The following TEC variants were observed in gnomAD, a reference collection of about 807,000 sequenced individuals.
The protein encoded by TEC is tyrosine-protein kinase Tec.
TEC carries 72 observed loss-of-function variants against 93.0 expected under a neutral mutation model. The ratio of observed to expected loss-of-function variants is 0.77; its 90% CI spans 0.64 to 0.94. The LOEUF is 0.94. Ranked by LOEUF, TEC falls within the 40% of genes least tolerant of loss-of-function variation. The pLI is 0.00. For missense variants in TEC, 630 were observed against 757.9 expected (o/e 0.83, Z 1.98); for synonymous variants, 249 against 247.7 (o/e 1.01, Z -0.05).
chr4:48,154,059 G>T (rs116805208), intron 9 of TEC, among the ~76,000 whole-genome samples: 95 of 152,320 alleles, frequency 6.2e-4, no homozygotes, highest in African/African-American at 2.2e-3. Flanking sequence ...TTGCTACAGG[G>T]TATGCTGTGC....
chr4:48,230,810 C>T (rs879836027), intron 1 of TEC, among the ~76,000 whole-genome samples: 23 of 152,184 alleles, frequency 1.5e-4, no homozygotes, highest in Non-Finnish European at 2.6e-4. Flanking sequence ...ATTCCCTGGC[C>T]TAGTGGACTC....
At chr4:48,172,660 C>CA (rs11404857) in intron 3 of TEC, among the ~76,000 whole-genome samples, 57,648 of 151,936 alleles carry the variant, frequency 0.38, 11,952 homozygotes, top group East Asian at 0.9. Flanking sequence ...ATATACCATT[C>CA]GCACCTTGCT....
intron 8 of TEC, among the ~76,000 whole-genome samples, chr4:48,157,892 C>T (rs990670542): frequency 1.3e-5 from 2 of 152,180 alleles, no homozygotes; most frequent in Non-Finnish European, 2.9e-5. Flanking sequence ...AGATACTTGC[C>T]TCTCTCTACT....
chr4:48,223,638 C>T (rs1462731244), intron 2 of TEC, among the ~76,000 whole-genome samples: 2 of 152,170 alleles, frequency 1.3e-5, no homozygotes, highest in Admixed American at 6.5e-5. Context: ...ATCATTTTTA[C>T]TACTAATGTG....
At chr4:48,258,886 G>C (rs537656451) in intron 1 of TEC, among the ~76,000 whole-genome samples, 1 of 152,092 alleles carries the variant, frequency 6.6e-6, no homozygotes, top group African/African-American at 2.4e-5. Flanking sequence ...GCTTAAAACA[G>C]TATAAATCCA....
intron 12 of TEC, 106 bp downstream of exon 12, chr4:48,146,219 T>C: frequency 1.9e-6 from 2 of 1,032,260 alleles, no homozygotes; most frequent in Non-Finnish European, 2.9e-6. Flanking sequence ...TATAAACTTA[T>C]AAAAAACAGT....
intron 1 of TEC, among the ~76,000 whole-genome samples, chr4:48,253,840 C>A (rs1402143342): frequency 6.6e-6 from 1 of 152,032 alleles, no homozygotes; most frequent in Admixed American, 6.6e-5. Flanking sequence ...CCCCCCAAAG[C>A]GCTGGTATTA....
chr4:48,184,770 T>TACACACACACACACAC (rs58704241), intron 2 of TEC, among the ~76,000 whole-genome samples: 5 of 140,942 alleles, frequency 3.5e-5, no homozygotes, highest in Non-Finnish European at 6.2e-5. Flanking sequence ...ACAAAAAAAA[T>TACACACACACACACAC]ACACACACAC....
At chr4:48,261,651 A>G (rs1225804972) in intron 1 of TEC, among the ~76,000 whole-genome samples, 2 of 152,216 alleles carry the variant, frequency 1.3e-5, no homozygotes, top group Non-Finnish European at 1.5e-5. Flanking sequence ...TTATAATGTC[A>G]CCAAAATTAA....
At chr4:48,211,917 G>A (rs577690137) in intron 2 of TEC, among the ~76,000 whole-genome samples, 5 of 151,786 alleles carry the variant, frequency 3.3e-5, no homozygotes, top group African/African-American at 1.2e-4. Context: ...GGGCAACACG[G>A]TAAAACCCCA....
At chr4:48,186,889 G>A (rs1721893556) in intron 2 of TEC, among the ~76,000 whole-genome samples, 1 of 152,228 alleles carries the variant, frequency 6.6e-6, no homozygotes, top group Admixed American at 6.5e-5. Flanking sequence ...CGTCTGGGAA[G>A]TGAGGAGCCC....
intron 7 of TEC, among the ~76,000 whole-genome samples, chr4:48,164,093 G>A (rs1162929990): frequency 1.3e-5 from 2 of 152,130 alleles, no homozygotes; most frequent in Non-Finnish European, 2.9e-5. Flanking sequence ...CTCAAACTCT[G>A]GACTTGTGAC....
chr4:48,193,874 G>A (rs1264344197), intron 2 of TEC, among the ~76,000 whole-genome samples: 1 of 152,014 alleles, frequency 6.6e-6, no homozygotes, highest in African/African-American at 2.4e-5. Context: ...GGAGAGATAA[G>A]CTTTGTAAGT....
chr4:48,268,616 C>T (rs1316601005), intron 1 of TEC, among the ~76,000 whole-genome samples: 2 of 152,186 alleles, frequency 1.3e-5, no homozygotes, highest in East Asian at 3.8e-4. Context: ...ACCAGTGTCA[C>T]GACCTAAACT....
intron 8 of TEC, 25 bp from the exon 9 acceptor site, chr4:48,156,759 C>T: frequency 6.3e-7 from 1 of 1,579,822 alleles, no homozygotes; most frequent in Non-Finnish European, 8.6e-7. Flanking sequence ...CAATACATTT[C>T]AGGCCTCAGG....
intron 8 of TEC, among the ~76,000 whole-genome samples, chr4:48,157,417 T>A (rs987222172): frequency 4.6e-5 from 7 of 152,270 alleles, no homozygotes; most frequent in Non-Finnish European, 1.0e-4. Context: ...TGCCCAAGAC[T>A]CTATTGTAGA....
chr4:48,213,830 G>A (rs148331957), intron 2 of TEC, among the ~76,000 whole-genome samples: 1 of 152,074 alleles, frequency 6.6e-6, no homozygotes, highest in Non-Finnish European at 1.5e-5. Context: ...ATGTTGCCCA[G>A]GCTAGACGTA....
intron 2 of TEC, among the ~76,000 whole-genome samples, chr4:48,216,774 TTTTATGACTAAATTAAA>T (rs1246754288): frequency 6.6e-6 from 1 of 152,208 alleles, no homozygotes; most frequent in Non-Finnish European, 1.5e-5. Flanking sequence ...GACGGACAAG[TTTTATGACTAAATTAAA>T]TTAAGTAATA....
At chr4:48,212,696 C>T (rs1385507631) in intron 2 of TEC, among the ~76,000 whole-genome samples, 2 of 152,170 alleles carry the variant, frequency 1.3e-5, no homozygotes, top group Non-Finnish European at 2.9e-5. Flanking sequence ...CACTTGGAAA[C>T]CCAATGTCCA....
Sources: allele counts gnomAD v4.1 joint callset (sites outside exome capture counted in the v4.1 genomes callset), GRCh38; gene constraint gnomAD v4.1.1; transcripts MANE v1.5; gene names NCBI Gene and HGNC (gene_info 2026-07-23, HGNC 2026-07-21).